FRMD6: variants seen among roughly 807,000 people sequenced by gnomAD.
The protein encoded by FRMD6 is FERM domain containing 6, also known as FERM domain-containing protein 6.
Under a neutral mutation model 73.2 loss-of-function variants are expected in FRMD6, and 37 were observed. The ratio of observed to expected loss-of-function variants is 0.51; its 90% CI spans 0.39 to 0.66. The LOEUF is 0.66. FRMD6 is among the 30% of genes least tolerant of loss of function. FRMD6 has a pLI of 0.00. For synonymous variants in FRMD6, 273 were observed against 282.2 expected (o/e 0.97, Z 0.33); for missense variants, 714 against 780.5 (o/e 0.91, Z 1.02).
chr14:51,547,887 A>G (rs1566806555), intron 1 of FRMD6: 1 of 86,656 alleles, frequency 1.2e-5, no homozygotes. Flanking sequence ...TGTGGCCCTG[A>G]AAAAAAAAAA....
chr14:51,668,436 G>A (rs1379519670), intron 1 of FRMD6, among the ~76,000 whole-genome samples: 1 of 152,040 alleles, frequency 6.6e-6, no homozygotes, highest in Non-Finnish European at 1.5e-5. Flanking sequence ...CTTCTGAGTA[G>A]CTGGGATTAC....
chr14:51,583,310 T>G (rs1888841129), intron 2 of FRMD6, among the ~76,000 whole-genome samples: 2 of 152,322 alleles, frequency 1.3e-5, no homozygotes, highest in South Asian at 4.1e-4. Flanking sequence ...AGAATAGGTT[T>G]GTTTGTTTGT....
chr14:51,701,165 A>G lies in FRMD6; in HGVS notation c.294+6A>G. On this transcript the variant is annotated splice_donor_region_variant and intron_variant, in intron 4 of 13. Coordinates refer to ENST00000344768, the MANE Select transcript of FRMD6 (RefSeq NM_001267046.2). Reference sequence around the variant, plus strand: ...GACAATACGAAGTCACTTGGGTGAGATTACATTTATAAGCAAAATTATTTT... The same window carrying G: ...GACAATACGAAGTCACTTGGGTGAGGTTACATTTATAAGCAAAATTATTTT... 6.7e-7 allele frequency: 1 copy of G among 1,502,476 alleles called. No homozygotes were observed. Among genetic ancestry groups the G allele is most frequent in the Non-Finnish European group, 9.0e-7 (1 of 1,105,994 alleles). 93.1% of individuals were successfully genotyped at this position (1,502,476 alleles called of 1,614,324 possible). A position where few individuals can be genotyped will look rare whatever the true frequency, so the allele number is the denominator to read the frequency against.
chr14:51,530,351 T>A (rs1462390287), intron 1 of FRMD6, among the ~76,000 whole-genome samples: 2 of 152,210 alleles, frequency 1.3e-5, no homozygotes, highest in African/African-American at 2.4e-5. Flanking sequence ...ATGCCACAAA[T>A]CAGAGTTAGA....
Position 51,585,758 on chromosome 14 carries a change from G to T in FRMD6, c.-147+15348G>T, listed in dbSNP as rs946873297. On this transcript the variant is annotated intron_variant, in intron 2 of 14. Transcript: ENST00000356218. Reference sequence around the variant, plus strand: ...CAATGTCTATTATTTCACTCTGTATGGTCATGTATACCTATTATTTACCTC... The same window carrying T: ...CAATGTCTATTATTTCACTCTGTATTGTCATGTATACCTATTATTTACCTC... Among the ~76,000 whole-genome samples, 57 of 151,066 alleles carry T rather than the reference G, an allele frequency of 3.8e-4. 1 individual carries two copies. The highest frequency in any genetic ancestry group is 1.3e-3 in the African/African-American group (53 of 41,138).
intron 9 of FRMD6, chr14:51,714,024 A>G (rs1468664998): frequency 6.6e-6 from 1 of 151,812 alleles, no homozygotes; most frequent in Non-Finnish European, 1.5e-5. Context: ...CCTCCAGGAG[A>G]TTTTTGACTC....
intron 2 of FRMD6, 66 bp downstream of exon 2, chr14:51,690,001 T>G (rs762381555): frequency 3.5e-5 from 36 of 1,025,274 alleles, no homozygotes; most frequent in Non-Finnish European, 4.8e-5. Context: ...ATTCAACTTA[T>G]GACTTGATTA....
At chr14:51,435,302 A>G in the FRMD6 span, among the ~76,000 whole-genome samples, 1 of 152,088 alleles carries the variant, frequency 6.6e-6, no homozygotes, top group African/African-American at 2.4e-5. Flanking sequence ...TAGGCTGGGC[A>G]TAGTGGCTCA....
chr14:51,423,011 C>G, the FRMD6 span, among the ~76,000 whole-genome samples: 1 of 152,218 alleles, frequency 6.6e-6, no homozygotes, highest in East Asian at 1.9e-4. Flanking sequence ...TTTCCACCAC[C>G]ACATGAACAT....
At chr14:51,697,831 G>A (rs896393471) in intron 2 of FRMD6, among the ~76,000 whole-genome samples, 5 of 152,088 alleles carry the variant, frequency 3.3e-5, no homozygotes, top group Admixed American at 6.6e-5. Context: ...AGTAATCTGA[G>A]TAGGCTATGC....
chr14:51,646,362 G>C (rs1223034149), intron 2 of FRMD6, among the ~76,000 whole-genome samples: 1 of 146,622 alleles, frequency 6.8e-6, no homozygotes, highest in Non-Finnish European at 1.5e-5. Flanking sequence ...GAGAACCTCA[G>C]TGGCCCAAGA....
intron 1 of FRMD6, among the ~76,000 whole-genome samples, chr14:51,506,325 A>G (rs1390700346): frequency 6.6e-6 from 1 of 152,144 alleles, no homozygotes; most frequent in African/African-American, 2.4e-5. Flanking sequence ...TACAGCTCCT[A>G]TAGTTGGAGC....
intron 2 of FRMD6, among the ~76,000 whole-genome samples, chr14:51,635,060 G>A (rs1173703406): frequency 1.3e-5 from 2 of 151,902 alleles, no homozygotes; most frequent in African/African-American, 2.4e-5. Flanking sequence ...TCAGCCTCCC[G>A]AGTAAGGCTT....
intron 1 of FRMD6, among the ~76,000 whole-genome samples, chr14:51,521,199 C>T (rs967948037): frequency 5.3e-5 from 8 of 152,126 alleles, no homozygotes; most frequent in Admixed American, 4.6e-4. Flanking sequence ...CAGACGTATA[C>T]ATTTGGTGAA....
At chr14:51,648,957 A>T (rs1478229105), upstream of FRMD6, among the ~76,000 whole-genome samples, 1 of 152,260 alleles carries the variant, frequency 6.6e-6, no homozygotes, top group Non-Finnish European at 1.5e-5. Flanking sequence ...AAAACATCTC[A>T]TCATATTAGT....
chr14:51,457,839 T>C, the FRMD6 span, among the ~76,000 whole-genome samples: 1 of 152,318 alleles, frequency 6.6e-6, no homozygotes, highest in Middle Eastern at 3.4e-3. Context: ...GTTTTCATCT[T>C]TGCATTCCTA....
At chr14:51,418,273 C>G in the FRMD6 span, among the ~76,000 whole-genome samples, 1 of 152,196 alleles carries the variant, frequency 6.6e-6, no homozygotes, top group South Asian at 2.1e-4. Flanking sequence ...GCTCTGGTTT[C>G]TCCCCATCTT....
At chr14:51,431,494 T>A in the FRMD6 span, among the ~76,000 whole-genome samples, 5 of 152,336 alleles carry the variant, frequency 3.3e-5, no homozygotes, top group South Asian at 1.0e-3. Flanking sequence ...AGGGAAACCA[T>A]TTCATACTCT....
chr14:51,565,019 A>G lies in FRMD6; in HGVS notation c.-209-5329A>G, dbSNP rs1037531814. Among the ~76,000 whole-genome samples, 8 of 152,298 alleles carry G rather than the reference A, an allele frequency of 5.3e-5. No individual in the cohort carries two copies. In the East Asian group the frequency reaches 1.5e-3, roughly 29 times the overall value. ...TTCATTTCTGTTTATAAAACCCATA[A>G]AAGTCTTGAGCGAAAACTTCCTTGG... is the stretch of plus-strand genomic sequence containing the variant. On this transcript the variant is annotated intron_variant, in intron 1 of 14. Coordinates refer to the FRMD6 transcript ENST00000356218.
Sources: allele counts gnomAD v4.1 joint callset (sites outside exome capture counted in the v4.1 genomes callset), GRCh38; gene constraint gnomAD v4.1.1; transcripts MANE v1.5; gene names NCBI Gene and HGNC (gene_info 2026-07-23, HGNC 2026-07-21).